Variants in ATP11A observed in about 807,000 individuals in gnomAD.
ATP11A encodes the protein phospholipid-transporting ATPase IH.
In ATP11A, 81 loss-of-function variants were observed where a neutral mutation model predicts 154.4. The ratio of observed to expected loss-of-function variants is 0.52; its 90% confidence interval spans 0.44 to 0.63. The LOEUF is 0.63. ATP11A is among the 30% of genes least tolerant of loss of function. The pLI, the probability that ATP11A is intolerant of heterozygous loss-of-function variation, is 0.00. For missense variants in ATP11A, 1,316 were observed against 1,474.3 expected, an observed-to-expected ratio of 0.89 and a Z score of 1.76; for synonymous variants, 623 against 585.9, an observed-to-expected ratio of 1.06 and a Z score of -0.91.
chr13:112,780,306 A>G (rs1475237991), intron 1 of ATP11A, among the ~76,000 whole-genome samples: 1 of 152,042 alleles, frequency 6.6e-6, no homozygotes, highest in Non-Finnish European at 1.5e-5. Context: ...GTCGGCAGCC[A>G]CCACCGCCCT....
chr13:112,810,958 T>A (rs749670227), intron 5 of ATP11A, among the ~76,000 whole-genome samples: 1 of 152,014 alleles, frequency 6.6e-6, no homozygotes, highest in Non-Finnish European at 1.5e-5. Context: ...TAAACATTTT[T>A]AAAATACAAA....
intron 28 of ATP11A, among the ~76,000 whole-genome samples, chr13:112,877,776 C>T (rs1010372180): frequency 4.6e-5 from 7 of 152,208 alleles, no homozygotes; most frequent in Non-Finnish European, 5.9e-5. Context: ...CCTCCAGAGT[C>T]GGGGCTGCCG....
intron 1 of ATP11A, among the ~76,000 whole-genome samples, chr13:112,718,042 C>T (rs1427569036): frequency 6.6e-6 from 1 of 152,242 alleles, no homozygotes; most frequent in Non-Finnish European, 1.5e-5. Flanking sequence ...CACCACTGCA[C>T]TGCAGCCTGA....
At position 112,875,664 on chromosome 13, in the gene ATP11A, C is replaced by T; in HGVS notation, c.3162-112C>T. The T allele has an allele frequency of 4.0e-6, 5 of 1,251,678 alleles. No individual in the cohort carries two copies. The South Asian group carries it at 7.8e-5, about 19-fold the overall frequency. The allele number at this position is 1,251,678 out of a possible 1,614,324, so 77.5% of individuals were successfully genotyped here. A position where few individuals can be genotyped will look rare whatever the true frequency, so the allele number is the denominator to read the frequency against. On this transcript the variant is annotated intron_variant, in intron 27 of 29. Coordinates refer to ENST00000375645, the MANE Select transcript of ATP11A (RefSeq NM_015205.3). The surrounding 1 kb of genome is among the most constrained non-coding windows in gnomAD (Gnocchi z 4.1). ...GCAGGCTCCGTGGCTTGCCAAGCAA[C>T]TCTCACTGACAAAAGTGTAAACTCC...
intron 1 of ATP11A, among the ~76,000 whole-genome samples, chr13:112,750,062 C>T (rs567374985): frequency 1.6e-5 from 1 of 64,204 alleles, no homozygotes; most frequent in Non-Finnish European, 2.8e-5. Context: ...TGGGGACACG[C>T]CTGCTGAAGG....
intron 24 of ATP11A, among the ~76,000 whole-genome samples, chr13:112,862,017 G>GTAAGGTGTCACAGCAGGCA (rs1414937044): frequency 8.6e-5 from 8 of 92,726 alleles, no homozygotes; most frequent in Non-Finnish European, 7.6e-5. Flanking sequence ...CACAGCAGGC[G>GTAAGGTGTCACAGCAGGCA]TAAGGCGTCA....
intron 1 of ATP11A, among the ~76,000 whole-genome samples, chr13:112,726,622 G>T (rs1889920490): frequency 2.6e-5 from 4 of 152,110 alleles, no homozygotes. Context: ...CCAGCCGGGG[G>T]TGCTGCAGAT....
chr13:112,763,169 C>T (rs986681375), intron 1 of ATP11A, among the ~76,000 whole-genome samples: 1 of 152,174 alleles, frequency 6.6e-6, no homozygotes, highest in Non-Finnish European at 1.5e-5. Flanking sequence ...CCCAGGTACA[C>T]GTTATAACAA....
chr13:112,693,116 A>G (rs1341568567), intron 1 of ATP11A, among the ~76,000 whole-genome samples: 3 of 152,260 alleles, frequency 2.0e-5, no homozygotes, highest in Non-Finnish European at 4.4e-5. Flanking sequence ...CTGGAGAGAT[A>G]GCAGAGGCAA....
chr13:112,708,150 C>T (rs532474127), intron 1 of ATP11A, among the ~76,000 whole-genome samples: 159 of 586 alleles, frequency 0.27, no homozygotes, highest in East Asian at 0.47. Context: ...TCAAGCATCT[C>T]GACAACTTTT....
intron 8 of ATP11A, among the ~76,000 whole-genome samples, chr13:112,821,502 TG>T (rs2078796232): frequency 6.6e-6 from 1 of 152,132 alleles, no homozygotes; most frequent in South Asian, 2.1e-4. Context: ...ATAGTAGAGA[TG>T]GGGTTTTGCC....
At chr13:112,761,213 A>G (rs1202240304) in intron 1 of ATP11A, among the ~76,000 whole-genome samples, 1 of 152,182 alleles carries the variant, frequency 6.6e-6, no homozygotes, top group African/African-American at 2.4e-5. Context: ...ATGGCCCCAA[A>G]GCACAAGAGC....
chr13:112,841,584 C>T (rs952607615), intron 16 of ATP11A, among the ~76,000 whole-genome samples: 6 of 151,050 alleles, frequency 4.0e-5, no homozygotes, highest in African/African-American at 1.5e-4. Context: ...CGCCCAGGCA[C>T]AAACTAGCCA....
At chr13:112,858,005 A>T in intron 21 of ATP11A, 85 bp downstream of exon 21, 1 of 1,566,242 alleles carries the variant, frequency 6.4e-7, no homozygotes, top group Non-Finnish European at 8.8e-7. Context: ...ACGCAGGTGC[A>T]TTCAGGACAC....
chr13:112,717,671 TA>T (rs1188539619), intron 1 of ATP11A: 1 of 152,362 alleles, frequency 6.6e-6, no homozygotes, highest in Non-Finnish European at 1.5e-5. Context: ...ATAAACTGTC[TA>T]AACATATGAT....
intron 1 of ATP11A, among the ~76,000 whole-genome samples, chr13:112,716,278 G>C (rs1388073622): frequency 6.6e-6 from 1 of 152,210 alleles, no homozygotes; most frequent in Non-Finnish European, 1.5e-5. Context: ...TTAGCAAGTC[G>C]CATCTCTCTC....
intron 1 of ATP11A, among the ~76,000 whole-genome samples, chr13:112,692,581 A>T (rs1276992359): frequency 6.6e-6 from 1 of 152,150 alleles, no homozygotes; most frequent in Non-Finnish European, 1.5e-5. Context: ...TTTTAATCTA[A>T]GCGGTAAATA....
intron 1 of ATP11A, among the ~76,000 whole-genome samples, chr13:112,764,310 A>G (rs890967063): frequency 2.0e-5 from 3 of 151,560 alleles, no homozygotes; most frequent in African/African-American, 7.3e-5. Context: ...GTTTATCACG[A>G]CTTAGCTTCC....
intron 29 of ATP11A, 124 bp from the exon 30 acceptor site, chr13:112,881,752 A>G (rs959429437): frequency 4.5e-6 from 6 of 1,336,218 alleles, no homozygotes; most frequent in African/African-American, 3.0e-5. Context: ...AGAGTGGCTC[A>G]GGTCACCCCA....
Sources: gnomAD v4.1 joint callset for allele counts (sites outside exome capture counted in the v4.1 genomes callset) on GRCh38, gnomAD v4.1.1 for gene constraint, Gnocchi (gnomAD v3.1) non-coding constraint, MANE v1.5 for transcripts, NCBI Gene and HGNC (gene_info 2026-07-23, HGNC 2026-07-21) for gene names.